The following SLC2A9 variants were observed in gnomAD, a reference collection of about 807,000 sequenced individuals.
SLC2A9 encodes solute carrier family 2, facilitated glucose transporter member 9.
In SLC2A9, 39 loss-of-function variants were observed where a neutral mutation model predicts 50.6. The observed-to-expected ratio is 0.77, with a 90% CI of 0.60 to 1.01. The LOEUF (loss-of-function observed/expected upper bound fraction) is 1.01, where lower values mean the gene tolerates loss of function less well. SLC2A9 is among the 50% of genes least tolerant of loss of function. The pLI, the probability that SLC2A9 is intolerant of heterozygous loss-of-function variation, is 0.00. For missense variants in SLC2A9, 686 were observed against 677.6 expected (o/e 1.01, Z -0.14); for synonymous variants, 324 against 276.9 (o/e 1.17, Z -1.69).
chr4:9,844,816 T>C (rs942123700), intron 10 of SLC2A9, among the ~76,000 whole-genome samples: 2 of 152,264 alleles, frequency 1.3e-5, no homozygotes, highest in Non-Finnish European at 2.9e-5. Context: ...TTCTCATCTA[T>C]AAAATGAAGA....
At chr4:10,025,722 A>G, upstream of SLC2A9, 1 of 613,214 alleles carries the variant, frequency 1.6e-6, no homozygotes, top group South Asian at 1.9e-5. Flanking sequence ...TCTGAGCCTC[A>G]TCCCAGACAC....
chr4:9,862,874 G>A (rs1478188674), intron 10 of SLC2A9, among the ~76,000 whole-genome samples: 1 of 151,946 alleles, frequency 6.6e-6, no homozygotes, highest in East Asian at 1.9e-4. Flanking sequence ...TCATTCGCTG[G>A]GGTATCTCCT....
chr4:9,985,655 T>C lies in SLC2A9; in HGVS notation c.535+14A>G, dbSNP rs1364245160. Reference sequence around the variant, plus strand: ...GTATGTTACTGTTCCCTCCCCGTCATGGTGAACTCTCACCTCCATCTATGC... The same window carrying C: ...GTATGTTACTGTTCCCTCCCCGTCACGGTGAACTCTCACCTCCATCTATGC... On this transcript the variant is annotated intron_variant, in intron 4 of 11. Coordinates refer to ENST00000264784, the MANE Select transcript of SLC2A9 (RefSeq NM_020041.3). 3 of 1,613,854 alleles carry C rather than the reference T, an allele frequency of 1.9e-6. No individual in the cohort carries two copies. The highest frequency in any genetic ancestry group is 3.3e-5 in the Admixed American group (2 of 59,990).
At chr4:9,789,545 A>G (rs934484695) in intron 3 of SLC2A9, among the ~76,000 whole-genome samples, 4 of 152,210 alleles carry the variant, frequency 2.6e-5, no homozygotes, top group African/African-American at 7.2e-5. Flanking sequence ...CTAGAATAGG[A>G]AGAAATAGGA....
intron 3 of SLC2A9, among the ~76,000 whole-genome samples, chr4:9,799,428 G>T (rs765198225): frequency 6.6e-5 from 10 of 151,988 alleles, no homozygotes; most frequent in Admixed American, 2.6e-4. Flanking sequence ...CTCATGTGGT[G>T]GAAGGGGTCA....
intron 2 of SLC2A9, 93 bp from the exon 3 acceptor site, chr4:9,997,034 C>G: frequency 7.3e-7 from 1 of 1,375,974 alleles, no homozygotes; most frequent in Admixed American, 1.7e-5. Flanking sequence ...TTGTACAGAG[C>G]ATTTTCATGC....
At chr4:9,982,759 A>C (rs1756089634) in intron 4 of SLC2A9, among the ~76,000 whole-genome samples, 1 of 152,260 alleles carries the variant, frequency 6.6e-6, no homozygotes, top group Non-Finnish European at 1.5e-5. Flanking sequence ...TTAAGAACAC[A>C]AATAACAACA....
intron 2 of SLC2A9, among the ~76,000 whole-genome samples, chr4:10,004,066 A>T (rs1201926665): frequency 6.6e-6 from 1 of 152,150 alleles, no homozygotes; most frequent in Non-Finnish European, 1.5e-5. Flanking sequence ...CTTAACCATT[A>T]CTTTTTTCCA....
At chr4:9,824,451 G>C (rs2109064132), downstream of SLC2A9, among the ~76,000 whole-genome samples, 1 of 152,276 alleles carries the variant, frequency 6.6e-6, no homozygotes, top group South Asian at 2.1e-4. Flanking sequence ...CCTATTGCCT[G>C]ACAGTCATAG....
chr4:9,786,281 A>G (rs1719206920), intron 3 of SLC2A9, among the ~76,000 whole-genome samples: 1 of 152,174 alleles, frequency 6.6e-6, no homozygotes, highest in East Asian at 1.9e-4. Flanking sequence ...TTGGCAGGCT[A>G]AATAACCAGC....
At chr4:9,883,197 A>G (rs536037316) in intron 10 of SLC2A9, among the ~76,000 whole-genome samples, 1 of 152,092 alleles carries the variant, frequency 6.6e-6, no homozygotes, top group Non-Finnish European at 1.5e-5. Context: ...TCTTATATTC[A>G]CCTAGTATTT....
At chr4:9,923,183 C>T (rs1327310109) in intron 6 of SLC2A9, among the ~76,000 whole-genome samples, 1 of 152,136 alleles carries the variant, frequency 6.6e-6, no homozygotes. Flanking sequence ...GCACTCTGGG[C>T]AGGAGGCAGA....
intron 7 of SLC2A9, among the ~76,000 whole-genome samples, chr4:9,915,909 T>G (rs915806026): frequency 2.0e-5 from 3 of 152,238 alleles, no homozygotes; most frequent in Non-Finnish European, 4.4e-5. Flanking sequence ...TTTGAGACTT[T>G]GTACAAAACT....
chr4:10,037,865 C>T (rs972718491), intron 1 of SLC2A9, among the ~76,000 whole-genome samples: 1 of 152,114 alleles, frequency 6.6e-6, no homozygotes, highest in Non-Finnish European at 1.5e-5. Flanking sequence ...GCACGAGAAT[C>T]GCTAGAACCT....
chr4:9,859,566 C>A (rs187849080), intron 10 of SLC2A9, among the ~76,000 whole-genome samples: 1 of 152,216 alleles, frequency 6.6e-6, no homozygotes, highest in Non-Finnish European at 1.5e-5. Flanking sequence ...GAGACTGAAG[C>A]CCTTGTTCAG....
rs185899739 is a variant in SLC2A9, at chr4:9,773,347, C to A, written n.182-1978G>T. Among the ~76,000 whole-genome samples the A allele has an allele frequency of 2.4e-3, 373 of 152,302 alleles. 3 individuals are homozygous for A. The highest frequency in any genetic ancestry group is 8.2e-3 in the African/African-American group (342 of 41,566). ...TGGGAGCTCAGCTTGTATCCTGTAGCTACAGAACAGAGCTTTCATTGCTGT... is the reference window on the plus strand; with the variant it reads ...TGGGAGCTCAGCTTGTATCCTGTAGATACAGAACAGAGCTTTCATTGCTGT... On this transcript the variant is annotated intron_variant and non_coding_transcript_variant, in intron 1 of 1. Coordinates refer to the SLC2A9 transcript ENST00000508585.
At chr4:9,950,968 C>G (rs1183509103) in intron 5 of SLC2A9, among the ~76,000 whole-genome samples, 1 of 150,860 alleles carries the variant, frequency 6.6e-6, no homozygotes, top group East Asian at 2.0e-4. Flanking sequence ...AATTACCATT[C>G]AATCCAGCAA....
At chr4:9,846,237 A>C (rs913811226) in intron 10 of SLC2A9, among the ~76,000 whole-genome samples, 1 of 152,178 alleles carries the variant, frequency 6.6e-6, no homozygotes, top group African/African-American at 2.4e-5. Context: ...TCCCAAACAG[A>C]TGTGTTCCAT....
chr4:9,877,743 G>A (rs1220907284), intron 10 of SLC2A9, among the ~76,000 whole-genome samples: 2 of 152,164 alleles, frequency 1.3e-5, no homozygotes, highest in Non-Finnish European at 2.9e-5. Flanking sequence ...CTGGCATTGA[G>A]ATAATGTCAT....
Sources: allele counts gnomAD v4.1 joint callset (sites outside exome capture counted in the v4.1 genomes callset), GRCh38; gene constraint gnomAD v4.1.1; transcripts MANE v1.5; gene names NCBI Gene and HGNC (gene_info 2026-07-23, HGNC 2026-07-21).